Variants in PCDHGA3 observed in about 807,000 individuals in gnomAD.
The protein encoded by PCDHGA3 is protocadherin gamma-A3.
In PCDHGA3, 40 loss-of-function variants were observed where a neutral mutation model predicts 58.5. The observed-to-expected ratio is 0.68, with a 90% CI of 0.53 to 0.89. The LOEUF (loss-of-function observed/expected upper bound fraction) is 0.89, where lower values mean the gene tolerates loss of function less well. Ranked by LOEUF, PCDHGA3 falls within the 40% of genes least tolerant of loss-of-function variation. The pLI, the probability that PCDHGA3 is intolerant of heterozygous loss-of-function variation, is 0.00. For synonymous variants in PCDHGA3, 530 were observed against 525.7 expected (o/e 1.01, Z -0.11); for missense variants, 1,223 against 1,195.9 (o/e 1.02, Z -0.33).
intron 1 of PCDHGA3, among the ~76,000 whole-genome samples, chr5:141,363,627 C>T (rs1763008344): frequency 6.6e-6 from 1 of 152,226 alleles, no homozygotes; most frequent in Non-Finnish European, 1.5e-5. Flanking sequence ...GAGACTTTCT[C>T]AAAGTCCTCA....
At chr5:141,423,666 A>G in intron 1 of PCDHGA3, 1 of 1,494,380 alleles carries the variant, frequency 6.7e-7, no homozygotes, top group Non-Finnish European at 8.9e-7. Context: ...ATCAGGTGAG[A>G]TTTATTTCTC....
chr5:141,384,464 A>G, intron 1 of PCDHGA3: 2 of 1,614,112 alleles, frequency 1.2e-6, no homozygotes, highest in Non-Finnish European at 1.7e-6. Context: ...TCCTTTGATT[A>G]TGAGCAGTTG....
At chr5:141,366,394 C>A in intron 1 of PCDHGA3, 1 of 1,614,168 alleles carries the variant, frequency 6.2e-7, no homozygotes, top group Non-Finnish European at 8.5e-7. Flanking sequence ...AGGATCTGGA[C>A]CTCACACTCT....
At chr5:141,402,491 A>T (rs1186098298) in intron 1 of PCDHGA3, among the ~76,000 whole-genome samples, 1 of 152,242 alleles carries the variant, frequency 6.6e-6, no homozygotes, top group Non-Finnish European at 1.5e-5. Flanking sequence ...TCTACCAAGA[A>T]TAAGAATAAA....
chr5:141,410,766 AG>A, intron 1 of PCDHGA3: 1 of 1,032,268 alleles, frequency 9.7e-7, no homozygotes, highest in Non-Finnish European at 1.3e-6. Context: ...TTTCAATTAT[AG>A]TTTTCACTAT....
At chr5:141,408,177 G>C (rs1359754385) in intron 1 of PCDHGA3, 3 of 1,534,464 alleles carry the variant, frequency 2.0e-6, no homozygotes, top group Non-Finnish European at 2.6e-6. Context: ...GGAAAAGCGG[G>C]GACCCAGCGA....
chr5:141,422,056 G>C lies in PCDHGA3; in HGVS notation c.2425-72751G>C, dbSNP rs1003977721. 1.2e-6 allele frequency: 2 copies of C among 1,611,816 alleles called. No individual in the cohort carries two copies. The highest frequency in any genetic ancestry group is 2.7e-5 in the African/African-American group (2 of 74,764). ...GGATCCAGACGAGGGAATCAACGGG[G>C]AAGTAATGTATTCATTTCGGAACAT... On this transcript the variant is annotated intron_variant, in intron 1 of 3. Transcript: ENST00000253812.
Position 141,512,703 on chromosome 5 carries a change from T to C in PCDHGA3, c.*1530T>C. ...TAGCCAGTAGTGTAGTGCGGTGTGC[T>C]TTTACGTGATGGCGGGTGGGCAGCG... On this transcript the variant is annotated 3_prime_UTR_variant, in exon 4 of 4. Coordinates refer to ENST00000253812, the MANE Select transcript of PCDHGA3 (RefSeq NM_018916.4). 1 of 152,958 alleles carries C rather than the reference T, an allele frequency of 6.5e-6. No individual in the cohort carries two copies. Among genetic ancestry groups the C allele is most frequent in the East Asian group, 1.9e-4 (1 of 5,212 alleles). 9.5% of individuals were successfully genotyped at this position (152,958 alleles called of 1,614,324 possible).
Position 141,432,044 on chromosome 5 carries a change from A to T in PCDHGA3, c.2425-62763A>T. 6.2e-7 allele frequency: 1 copy of T among 1,613,886 alleles called. No individual in the cohort carries two copies. Among genetic ancestry groups the T allele is most frequent in the Non-Finnish European group, 8.5e-7 (1 of 1,179,922 alleles). ...CACAGTGACCGCCACTGACCGGGGA[A>T]CCCCGCCCCTATCCACGGAAACTCA... On this transcript the variant is annotated intron_variant, in intron 1 of 3. Coordinates refer to ENST00000253812, the MANE Select transcript of PCDHGA3 (RefSeq NM_018916.4). This position sits in a 1 kb window ranked among gnomAD's most constrained non-coding sequence, Gnocchi z 6.0.
chr5:141,356,907 T>G (rs17097226), intron 1 of PCDHGA3: 153,078 of 1,614,072 alleles, frequency 0.095, 9,003 homozygotes, highest in African/African-American at 0.29. Context: ...CCTTCCCTAC[T>G]GATGGCTCCA....
chr5:141,388,391 T>C, intron 1 of PCDHGA3: 2 of 1,613,964 alleles, frequency 1.2e-6, no homozygotes, highest in Non-Finnish European at 1.7e-6. Flanking sequence ...CACTGCAGAA[T>C]TACCAACTCA....
intron 1 of PCDHGA3, among the ~76,000 whole-genome samples, chr5:141,464,203 T>G (rs2099077714): frequency 6.6e-6 from 1 of 150,780 alleles, no homozygotes; most frequent in South Asian, 2.1e-4. Flanking sequence ...AGGCGGAGAT[T>G]GCAGTGAGCT....
chr5:141,423,185 C>T (rs996177363), intron 1 of PCDHGA3: 7 of 1,613,492 alleles, frequency 4.3e-6, no homozygotes, highest in Non-Finnish European at 5.9e-6. Context: ...CACGGCCAGC[C>T]CCCTCTCTCG....
chr5:141,433,555 G>C (rs1434189062), intron 1 of PCDHGA3, among the ~76,000 whole-genome samples: 1 of 152,088 alleles, frequency 6.6e-6, no homozygotes, highest in African/African-American at 2.4e-5. Flanking sequence ...TTCTTTTCTG[G>C]CTGGGCGCGG....
intron 1 of PCDHGA3, chr5:141,355,754 G>A (rs776270639): frequency 6.2e-7 from 1 of 1,613,930 alleles, no homozygotes; most frequent in Admixed American, 1.7e-5. Context: ...GTGCAAAGTG[G>A]GGCCGATGGG....
intron 1 of PCDHGA3, among the ~76,000 whole-genome samples, chr5:141,368,127 A>T (rs1013357793): frequency 1.3e-5 from 2 of 152,200 alleles, no homozygotes; most frequent in Non-Finnish European, 2.9e-5. Context: ...AATATTCTTA[A>T]TCCTTCAAAT....
rs187873649 is a variant in PCDHGA3, at chr5:141,469,715, G to A, written c.2425-25092G>A. ...TATGACCTAGTAATCACACTATTAG[G>A]AATTTATCATAAATACACACCTCAA... On this transcript the variant is annotated intron_variant, in intron 1 of 3. Coordinates refer to ENST00000253812, the MANE Select transcript of PCDHGA3 (RefSeq NM_018916.4). Among the ~76,000 whole-genome samples, 552 of 152,160 alleles carry A rather than the reference G, an allele frequency of 3.6e-3. 1 individual carries two copies. Among genetic ancestry groups the A allele is most frequent in the Non-Finnish European group, 5.8e-3 (397 of 68,008 alleles).
rs1049831420 is a variant in PCDHGA3 at position 141,486,549 on chromosome 5, C to T, written c.2425-8258C>T. ...AATCCACCCTCTTTCTTTCAGAGGTCACATGAGGTGTTTGTTCCTGAGAAC... is the reference window on the plus strand; with the variant it reads ...AATCCACCCTCTTTCTTTCAGAGGTTACATGAGGTGTTTGTTCCTGAGAAC... On this transcript the variant is annotated intron_variant, in intron 1 of 3. Coordinates refer to ENST00000253812, the MANE Select transcript of PCDHGA3 (RefSeq NM_018916.4). This position sits in a 1 kb window ranked among gnomAD's most constrained non-coding sequence, Gnocchi z 5.0. The T allele has an allele frequency of 3.1e-6, 5 of 1,613,982 alleles. No individual in the cohort carries two copies. In the African/African-American group the frequency reaches 4.0e-5, roughly 13 times the overall value.
chr5:141,366,355 A>G (rs1196036060), intron 1 of PCDHGA3: 1 of 1,614,004 alleles, frequency 6.2e-7, no homozygotes, highest in Non-Finnish European at 8.5e-7. Context: ...TGGCTGACCT[A>G]GGCAGTATCA....
Sources: allele counts gnomAD v4.1 joint callset (sites outside exome capture counted in the v4.1 genomes callset), GRCh38; gene constraint gnomAD v4.1.1; non-coding constraint Gnocchi (gnomAD v3.1); transcripts MANE v1.5; gene names NCBI Gene and HGNC (gene_info 2026-07-23, HGNC 2026-07-21).